The following MOCS2 variants were observed in gnomAD, a reference collection of about 807,000 sequenced individuals.
MOCS2 encodes molybdopterin synthase catalytic subunit.
In MOCS2, 13 loss-of-function variants were observed where a neutral mutation model predicts 21.9. The observed-to-expected ratio is 0.59, with a 90% CI of 0.39 to 0.94. The LOEUF is 0.94. Ranked by LOEUF, MOCS2 falls within the 40% of genes least tolerant of loss-of-function variation. The pLI is 0.00. For missense variants in MOCS2, 227 were observed against 218.3 expected (o/e 1.04, Z -0.25); for synonymous variants, 92 against 80.8 (o/e 1.14, Z -0.74).
chr5:53,104,926 A>T (rs1236653893), intron 3 of MOCS2, among the ~76,000 whole-genome samples: 1 of 152,148 alleles, frequency 6.6e-6, no homozygotes, highest in Non-Finnish European at 1.5e-5. Context: ...GCTGACAATA[A>T]ATTAAGCCTC....
At chr5:53,106,560 TG>T (rs1741053714) in intron 3 of MOCS2, among the ~76,000 whole-genome samples, 1 of 151,498 alleles carries the variant, frequency 6.6e-6, no homozygotes, top group Non-Finnish European at 1.5e-5. Flanking sequence ...GGGTGGAGGG[TG>T]GGAGGAGGGA....
At position 53,109,412 on chromosome 5, in the gene MOCS2, G is replaced by A; in HGVS notation, c.-331C>T. 1 of 1,239,390 alleles carries A rather than the reference G, an allele frequency of 8.1e-7. No individual in the cohort carries two copies. The highest frequency in any genetic ancestry group is 1.0e-6 in the Non-Finnish European group (1 of 991,008). The allele number at this position is 1,239,390 out of a possible 1,614,324, so 76.8% of individuals were successfully genotyped here. ...TAGCTTCATCAAAACGAATAATCTGGGAAAGAGGTGGTCATAAAAGGTGGA... is the reference window on the plus strand; with the variant it reads ...TAGCTTCATCAAAACGAATAATCTGAGAAAGAGGTGGTCATAAAAGGTGGA... On this transcript the variant is annotated 5_prime_UTR_variant, in exon 1 of 7. Coordinates refer to ENST00000396954, the MANE Select transcript of MOCS2 (RefSeq NM_004531.5).
In MOCS2 at chr5:53,107,222, C is replaced by T; in HGVS notation, c.-47-1G>A. 6.2e-7 allele frequency: 1 copy of T among 1,611,560 alleles called. No homozygotes were observed. The highest frequency in any genetic ancestry group is 8.5e-7 in the Non-Finnish European group (1 of 1,178,762). ...TATCTGATTTCTAACATCAGCCAATCTAAAGGGGAAAAAATATGACTCAAA... is the reference window on the plus strand; with the variant it reads ...TATCTGATTTCTAACATCAGCCAATTTAAAGGGGAAAAAATATGACTCAAA... On this transcript the variant is annotated splice_acceptor_variant, in intron 2 of 6. Transcript: ENST00000396954. LOFTEE classifies it low-confidence loss of function (5UTR_SPLICE).
chr5:53,102,683 AC>A (rs1740947470), intron 3 of MOCS2, among the ~76,000 whole-genome samples: 1 of 151,276 alleles, frequency 6.6e-6, no homozygotes, highest in African/African-American at 2.4e-5. Flanking sequence ...CCAGTGGCTC[AC>A]ACCTGTAATC....
intron 6 of MOCS2, 117 bp downstream of exon 6, chr5:53,100,294 A>G: frequency 8.5e-7 from 1 of 1,171,862 alleles, no homozygotes. Flanking sequence ...TATTTCACAG[A>G]TAAAGAAAAC....
intron 2 of MOCS2, among the ~76,000 whole-genome samples, chr5:53,108,308 C>CG (rs1454611593): frequency 6.6e-6 from 1 of 152,184 alleles, no homozygotes; most frequent in African/African-American, 2.4e-5. Context: ...TCATGTCCCT[C>CG]TGCGGTTCAC....
In MOCS2 at chr5:53,097,246, C is replaced by T. The variant is rs1379932940; in HGVS notation, c.*1356G>A. 6.6e-6 allele frequency: 1 copy of T among 152,166 alleles called. No homozygotes were observed. Among genetic ancestry groups the T allele is most frequent in the East Asian group, 1.9e-4 (1 of 5,196 alleles). The allele number at this position is 152,166 out of a possible 1,614,324, so 9.4% of individuals were successfully genotyped here. ...GATGTAACCAGGTGATTCCTAAAGTCAGTGTGGCTGTCCTATGGGTCCCAG... is the reference window on the plus strand; with the variant it reads ...GATGTAACCAGGTGATTCCTAAAGTTAGTGTGGCTGTCCTATGGGTCCCAG... On this transcript the variant is annotated 3_prime_UTR_variant, in exon 7 of 7. Coordinates refer to ENST00000396954, the MANE Select transcript of MOCS2 (RefSeq NM_004531.5).
chr5:53,098,683 A>G lies in MOCS2; in HGVS notation c.502-16T>C, dbSNP rs1740822713. 2 of 1,572,160 alleles carry G rather than the reference A, an allele frequency of 1.3e-6. No individual in the cohort carries two copies. Among genetic ancestry groups the G allele is most frequent in the South Asian group, 1.1e-5 (1 of 90,232 alleles). ...CGTATATTTCCTAAAAAACAAAATC[A>G]TAACAGGTATTAAAAATAGACCATT... On this transcript the variant is annotated splice_polypyrimidine_tract_variant and intron_variant, in intron 6 of 6. Coordinates refer to ENST00000396954, the MANE Select transcript of MOCS2 (RefSeq NM_004531.5).
At chr5:53,105,801 A>T (rs1741034950) in intron 3 of MOCS2, among the ~76,000 whole-genome samples, 1 of 152,228 alleles carries the variant, frequency 6.6e-6, no homozygotes, top group African/African-American at 2.4e-5. Context: ...AACCTACCGA[A>T]TGGGAGAAAA....
Position 53,097,954 on chromosome 5 carries a change from C to T in MOCS2, c.*648G>A, listed in dbSNP as rs2112078278. ...TTGTATATTGATACAAAATTAACAACTAATAAAAAACAACAAAAAGTTTTC... is the reference window on the plus strand; with the variant it reads ...TTGTATATTGATACAAAATTAACAATTAATAAAAAACAACAAAAAGTTTTC... On this transcript the variant is annotated 3_prime_UTR_variant, in exon 7 of 7. Transcript: ENST00000396954. 6.6e-6 allele frequency: 1 copy of T among 152,044 alleles called. No individual in the cohort carries two copies. The highest frequency in any genetic ancestry group is 6.5e-5 in the Admixed American group (1 of 15,274). The allele number at this position is 152,044 out of a possible 1,614,324, so 9.4% of individuals were successfully genotyped here.
At chr5:53,107,534 T>C (rs1219866212) in intron 2 of MOCS2, 2 of 360,620 alleles carry the variant, frequency 5.5e-6, no homozygotes, top group Non-Finnish European at 1.0e-5. Context: ...AAGAAAAGTT[T>C]CCAATCAGTA....
chr5:53,109,577 C>G lies in MOCS2; in HGVS notation c.-496G>C, dbSNP rs1029392857. 2.2e-5 allele frequency: 31 copies of G among 1,430,916 alleles called. No homozygotes were observed. In the African/African-American group the frequency reaches 4.6e-4, roughly 21 times the overall value. The allele number at this position is 1,430,916 out of a possible 1,614,324, so 88.6% of individuals were successfully genotyped here. ...GGCGGGGGCGGGGGCGCCCCCGAAC[C>G]CAAGACGCCGGCCAGGTTGGGGGCT... is the stretch of plus-strand genomic sequence containing the variant. On this transcript the variant is annotated 5_prime_UTR_variant, in exon 1 of 7. Transcript: ENST00000396954.
rs1156655510 is a variant in MOCS2 at position 53,100,551 on chromosome 5, A to G, written c.378-17T>C. ...GGAACCAAGCTTTAACAAGATGAAGAGAAAAAAAAATCACCATCATCTCTG... is the reference window on the plus strand; with the variant it reads ...GGAACCAAGCTTTAACAAGATGAAGGGAAAAAAAAATCACCATCATCTCTG... On this transcript the variant is annotated splice_polypyrimidine_tract_variant and intron_variant, in intron 5 of 6. Coordinates refer to ENST00000396954, the MANE Select transcript of MOCS2 (RefSeq NM_004531.5). 1.9e-6 allele frequency: 3 copies of G among 1,613,110 alleles called. No individual in the cohort carries two copies. The highest frequency in any genetic ancestry group is 2.5e-6 in the Non-Finnish European group (3 of 1,179,412).
At chr5:53,107,398 T>A in intron 2 of MOCS2, 177 bp from the exon 3 acceptor site, 2 of 609,782 alleles carry the variant, frequency 3.3e-6, no homozygotes, top group Non-Finnish European at 5.7e-6. Context: ...AACATACTTA[T>A]ACACCACAAA....
intron 3 of MOCS2, 60 bp downstream of exon 3, chr5:53,107,017 C>T: frequency 1.3e-6 from 2 of 1,583,518 alleles, no homozygotes; most frequent in South Asian, 1.1e-5. Flanking sequence ...ACCACATACA[C>T]TTTATCATCT....
Position 53,100,602 on chromosome 5 carries a change from G to C in MOCS2, c.378-68C>G, listed in dbSNP as rs1447973929. On this transcript the variant is annotated intron_variant, in intron 5 of 6. Transcript: ENST00000396954. Reference sequence around the variant, plus strand: ...AATCTACGTGTTAAAGAATCTGCTAGACAGATGAAAAAAAATCCAGGTATG... The same window carrying C: ...AATCTACGTGTTAAAGAATCTGCTACACAGATGAAAAAAAATCCAGGTATG... 3.2e-6 allele frequency: 5 copies of C among 1,552,726 alleles called. No individual in the cohort carries two copies. The African/African-American group carries it at 7.0e-5, about 22-fold the overall frequency.
At chr5:53,101,315 A>T in intron 5 of MOCS2, 44 bp downstream of exon 5, 1 of 1,580,850 alleles carries the variant, frequency 6.3e-7, no homozygotes, top group Non-Finnish European at 8.7e-7. Flanking sequence ...ACAAAGATGG[A>T]AAACAATTAC....
chr5:53,098,193 C>A lies in MOCS2; in HGVS notation c.*409G>T. 1 of 195,268 alleles carries A rather than the reference C, an allele frequency of 5.1e-6. No individual in the cohort carries two copies. Among genetic ancestry groups the A allele is most frequent in the East Asian group, 1.2e-4 (1 of 8,436 alleles). The allele number at this position is 195,268 out of a possible 1,614,324, so 12.1% of individuals were successfully genotyped here. A position where few individuals can be genotyped will look rare whatever the true frequency, so the allele number is the denominator to read the frequency against. ...TCTGCCAACATTCCTGTCATGCATC[C>A]TTAATAACAATGCTCTCCCAGAACC... On this transcript the variant is annotated 3_prime_UTR_variant, in exon 7 of 7. Coordinates refer to ENST00000396954, the MANE Select transcript of MOCS2 (RefSeq NM_004531.5).
chr5:53,103,984 T>C (rs1329240228), intron 3 of MOCS2, among the ~76,000 whole-genome samples: 1 of 152,160 alleles, frequency 6.6e-6, no homozygotes, highest in Non-Finnish European at 1.5e-5. Flanking sequence ...GACAGGTAGG[T>C]AGAATCTTGC....
Sources: gnomAD v4.1 joint callset for allele counts (sites outside exome capture counted in the v4.1 genomes callset) on GRCh38, gnomAD v4.1.1 for gene constraint, MANE v1.5 for transcripts, NCBI Gene and HGNC (gene_info 2026-07-23, HGNC 2026-07-21) for gene names.